Variants in F11 observed in about 807,000 individuals in gnomAD.
F11 encodes coagulation factor XI.
In F11, 78 loss-of-function variants were observed where a neutral mutation model predicts 76.5. The ratio of observed to expected loss-of-function variants is 1.02; its 90% CI spans 0.85 to 1.23. The LOEUF (loss-of-function observed/expected upper bound fraction) is 1.23. Ranked by LOEUF, F11 falls within the 50% of genes most tolerant of loss-of-function variation. The pLI, the probability that F11 is intolerant of heterozygous loss-of-function variation, is 0.00. For missense variants in F11, 742 were observed against 771.4 expected, an observed-to-expected ratio of 0.96 and a Z score of 0.45; for synonymous variants, 278 against 276.3, an observed-to-expected ratio of 1.01 and a Z score of -0.06.
chr4:186,285,117 C>T (rs895107284), intron 11 of F11, among the ~76,000 whole-genome samples: 6 of 152,106 alleles, frequency 3.9e-5, no homozygotes, highest in Non-Finnish European at 8.8e-5. Context: ...CAGTATCCTC[C>T]GAGTTGTTTC....
At position 186,276,744 on chromosome 4, in the gene F11, G is replaced by A. The variant is rs981038344; in HGVS notation, c.755+354G>A. Among the ~76,000 whole-genome samples the A allele has an allele frequency of 1.2e-4, 18 of 151,586 alleles. No individual in the cohort carries two copies. The East Asian group carries it at 1.8e-3, about 15-fold the overall frequency. ...TGGGACTACAGGCATGGGACACCAC[G>A]CCCAGTAATTTTTTTTGTATTTTTA... On this transcript the variant is annotated intron_variant, in intron 7 of 14. Transcript: ENST00000403665.
intron 2 of F11, among the ~76,000 whole-genome samples, chr4:186,269,656 A>G (rs4253405): frequency 0.31 from 46,733 of 152,134 alleles, 7,950 homozygotes; most frequent in Middle Eastern, 0.46. Flanking sequence ...GGCGAAGTTG[A>G]AAAGTTCTGG....
At chr4:186,286,275 G>A (rs530645886) in intron 12 of F11, 140 bp from the exon 13 acceptor site, 2 of 823,732 alleles carry the variant, frequency 2.4e-6, no homozygotes, top group Non-Finnish European at 4.0e-6. Flanking sequence ...ACCTGAGGGA[G>A]GAAAATACAC....
At chr4:186,271,965 G>T (rs570612198) in intron 3 of F11, among the ~76,000 whole-genome samples, 194 bp downstream of exon 3, 1 of 152,192 alleles carries the variant, frequency 6.6e-6, no homozygotes, top group Admixed American at 6.5e-5. Context: ...ATGCCTCCAA[G>T]TGTAGACTTT....
intron 13 of F11, 74 bp from the exon 14 acceptor site, chr4:186,287,610 T>A (rs1303046827): frequency 4.9e-5 from 33 of 667,914 alleles, no homozygotes; most frequent in East Asian, 1.7e-4. Flanking sequence ...ATATATATAT[T>A]TATATGTATG....
At chr4:186,268,140 T>A (rs4241823) in intron 2 of F11, among the ~76,000 whole-genome samples, 79,404 of 151,522 alleles carry the variant, frequency 0.52, 21,048 homozygotes, top group East Asian at 0.6. Context: ...TGAAATTTTT[T>A]AAAAAAAATT....
intron 7 of F11, among the ~76,000 whole-genome samples, chr4:186,278,868 T>C (rs1740574759): frequency 6.6e-6 from 1 of 152,178 alleles, no homozygotes; most frequent in Admixed American, 6.5e-5. Flanking sequence ...GGGAAGAAAG[T>C]AGGTCCAAAG....
Position 186,283,900 on chromosome 4 carries a change from C to T in F11, c.1136-192C>T, listed in dbSNP as rs558625792. On this transcript the variant is annotated intron_variant, in intron 10 of 14. Coordinates refer to ENST00000403665, the MANE Select transcript of F11 (RefSeq NM_000128.4). ...CTACATTCTTAGGGGTGTGTAATTACAAGATGACTTAGTCAATTCCATTTT... is the reference window on the plus strand; with the variant it reads ...CTACATTCTTAGGGGTGTGTAATTATAAGATGACTTAGTCAATTCCATTTT... The T allele has an allele frequency of 1.1e-3, 307 of 272,290 alleles. 2 individuals are homozygous for T. The highest frequency in any genetic ancestry group is 1.5e-3 in the Non-Finnish European group (265 of 177,878). The allele number at this position is 272,290 out of a possible 1,614,324, so 16.9% of individuals were successfully genotyped here.
chr4:186,275,733 T>G, intron 5 of F11, 54 bp from the exon 6 acceptor site: 1 of 1,328,468 alleles, frequency 7.5e-7, no homozygotes, highest in African/African-American at 1.4e-5. Context: ...TCTCATGTTT[T>G]TTCCTCCTTG....
chr4:186,275,297 C>T (rs1561483029), intron 5 of F11: 11 of 406,184 alleles, frequency 2.7e-5, no homozygotes, highest in East Asian at 1.4e-4. Flanking sequence ...TCGACACCAG[C>T]CTGACCAATA....
intron 12 of F11, 88 bp from the exon 13 acceptor site, chr4:186,286,327 C>A: frequency 8.2e-7 from 1 of 1,217,282 alleles, no homozygotes; most frequent in Non-Finnish European, 1.2e-6. Flanking sequence ...AAAGAAAACA[C>A]AGATAATGTA....
intron 10 of F11, chr4:186,281,875 A>T (rs1340309320): frequency 8.2e-7 from 1 of 1,222,214 alleles, no homozygotes; most frequent in Non-Finnish European, 1.1e-6. Context: ...TTTGTAGAAC[A>T]TAAAGACGTT....
At chr4:186,280,689 A>T in intron 10 of F11, 109 bp downstream of exon 10, 3 of 1,044,248 alleles carry the variant, frequency 2.9e-6, no homozygotes, top group Non-Finnish European at 4.4e-6. Context: ...CATTCAGGAA[A>T]TAACAAATTT....
Position 186,274,340 on chromosome 4 carries a change from T to C in F11, c.485+65T>C. The C allele has an allele frequency of 2.5e-6, 4 of 1,605,288 alleles. 1 individual carries two copies. Among genetic ancestry groups the C allele is most frequent in the East Asian group, 2.2e-5 (1 of 44,820 alleles). Reference sequence around the variant, plus strand: ...CAGAATCGTGATTTACTAAAAAGCTTTTGCCATCAACTTTATGCCAGAATT... The same window carrying C: ...CAGAATCGTGATTTACTAAAAAGCTCTTGCCATCAACTTTATGCCAGAATT... On this transcript the variant is annotated intron_variant, in intron 5 of 14. Coordinates refer to ENST00000403665, the MANE Select transcript of F11 (RefSeq NM_000128.4).
intron 7 of F11, among the ~76,000 whole-genome samples, 174 bp downstream of exon 7, chr4:186,276,564 CCAA>C (rs1460619664): frequency 6.6e-6 from 1 of 150,554 alleles, no homozygotes; most frequent in Non-Finnish European, 1.5e-5. Context: ...TACCACAAAC[CCAA>C]CATTACCGAG....
At chr4:186,280,179 A>T (rs1268973885) in intron 8 of F11, 44 bp from the exon 9 acceptor site, 6 of 1,613,922 alleles carry the variant, frequency 3.7e-6, no homozygotes, top group Non-Finnish European at 5.1e-6. Flanking sequence ...AGGCTGATAC[A>T]TGCTGAGGGA....
rs761254473 is a variant in F11 at position 186,286,434 on chromosome 4, C to T, written c.1500C>T (p.Cys500=). 6.2e-7 allele frequency: 1 copy of T among 1,613,920 alleles called. No individual in the cohort carries two copies. ...ATTTAGATTCTCAACGACCCATATG[C>T]CTGCCTTCCAAAGGAGATAGAAATG... ...VNYTDSQRPI[C]LPSKGDRNVI... is the part of the protein sequence containing the mutation. The change falls in exon 13 of 15, where the codon TGC becomes TGT. Residue 500 remains cysteine, a synonymous_variant. Coordinates refer to ENST00000403665, the MANE Select transcript of F11 (RefSeq NM_000128.4).
rs1461388045 is a variant in F11, at chr4:186,274,082, GGAAGGT to G, written c.326-33_326-28del. The G allele has an allele frequency of 3.1e-6, 5 of 1,613,756 alleles. No individual in the cohort carries two copies. The Admixed American group carries it at 8.3e-5, about 27-fold the overall frequency. The stretch of plus-strand genomic sequence containing the variant: ...GCTTAGGTCATTGCCCCTAGAATCT[GGAAGGT>G]ACTCATGTCTTCTGCTTTTATTTCC... On this transcript the variant is annotated intron_variant, in intron 4 of 14. Transcript: ENST00000403665.
chr4:186,271,665 G>T lies in F11; in HGVS notation c.112G>T (p.Val38Phe), dbSNP rs1165596644. Residue 38 changes from valine to phenylalanine, a missense_variant, in exon 3 of 15, where the codon GTC becomes TTC. By Grantham distance (50) the Val-to-Phe change is conservative. Coordinates refer to ENST00000403665, the MANE Select transcript of F11 (RefSeq NM_000128.4). ...TCFEGGDITT[V>F]FTPSAKYCQV... ...CTTTGAAGGAGGGGACATTACTACGGTCTTCACACCAAGCGCCAAGTACTG... is the reference window on the plus strand; with the variant it reads ...CTTTGAAGGAGGGGACATTACTACGTTCTTCACACCAAGCGCCAAGTACTG... The T allele has an allele frequency of 2.0e-5, 32 of 1,614,164 alleles. No individual in the cohort carries two copies. Among genetic ancestry groups the T allele is most frequent in the Non-Finnish European group, 2.7e-5 (32 of 1,180,024 alleles).
Sources: gnomAD v4.1 joint callset for allele counts (sites outside exome capture counted in the v4.1 genomes callset) on GRCh38, gnomAD v4.1.1 for gene constraint, MANE v1.5 for transcripts, NCBI Gene and HGNC (gene_info 2026-07-23, HGNC 2026-07-21) for gene names.